The following BLTP3A variants were observed in gnomAD, a reference collection of about 807,000 sequenced individuals.
The protein encoded by BLTP3A is ICBP90 binding protein 1.
the BLTP3A span, among the ~76,000 whole-genome samples, chr6:34,832,623 A>T: frequency 6.6e-6 from 1 of 151,098 alleles, no homozygotes; most frequent in African/African-American, 2.4e-5. Context: ...TTTTTTGTAG[A>T]GAGTTTTTGT....
the BLTP3A span, among the ~76,000 whole-genome samples, chr6:34,839,297 G>A: frequency 1.3e-5 from 2 of 151,926 alleles, no homozygotes; most frequent in East Asian, 1.9e-4. Flanking sequence ...TACCATACCC[G>A]GGTGTGGTAT....
At chr6:34,834,749 A>G in the BLTP3A span, 1 of 1,614,172 alleles carries the variant, frequency 6.2e-7, no homozygotes, top group Non-Finnish European at 8.5e-7. Context: ...ATAACTTGGC[A>G]AACACTCCGA....
chr6:34,826,169 C>T, the BLTP3A span, among the ~76,000 whole-genome samples: 3 of 151,556 alleles, frequency 2.0e-5, no homozygotes, highest in African/African-American at 4.9e-5. Context: ...GCTGGGATTA[C>T]ACACACCAAC....
chr6:34,820,356 T>C, the BLTP3A span, among the ~76,000 whole-genome samples: 19 of 152,158 alleles, frequency 1.2e-4, no homozygotes, highest in African/African-American at 4.1e-4. Flanking sequence ...AGGGCTAGAC[T>C]GCTCCAGCTC....
the BLTP3A span, among the ~76,000 whole-genome samples, chr6:34,795,734 G>A: frequency 6.6e-6 from 1 of 152,128 alleles, no homozygotes; most frequent in Non-Finnish European, 1.5e-5. Context: ...AATTTTAGCA[G>A]TATATGCTTA....
chr6:34,857,567 T>C, the BLTP3A span: 1 of 1,523,016 alleles, frequency 6.6e-7, no homozygotes, highest in Non-Finnish European at 8.9e-7. Flanking sequence ...TTGTTAGGAG[T>C]TTTCAGTGTT....
chr6:34,871,302 T>C, the BLTP3A span, among the ~76,000 whole-genome samples: 2 of 152,164 alleles, frequency 1.3e-5, no homozygotes, highest in Non-Finnish European at 2.9e-5. Context: ...GGTATATAAA[T>C]GTGTGTTGCT....
At chr6:34,854,185 G>A in the BLTP3A span, among the ~76,000 whole-genome samples, 1 of 152,078 alleles carries the variant, frequency 6.6e-6, no homozygotes, top group East Asian at 1.9e-4. Context: ...TAGTGCCACC[G>A]CACTCCAGCC....
the BLTP3A span, among the ~76,000 whole-genome samples, chr6:34,837,454 T>G: frequency 6.6e-6 from 1 of 151,972 alleles, no homozygotes; most frequent in African/African-American, 2.4e-5. Flanking sequence ...GAGGCTGAGG[T>G]GGGAGGATTG....
At chr6:34,858,823 C>T in the BLTP3A span, 3 of 1,614,090 alleles carry the variant, frequency 1.9e-6, no homozygotes, top group Non-Finnish European at 2.5e-6. Flanking sequence ...TGTACATTCC[C>T]CGGCCCATGT....
chr6:34,792,301 G>A, the BLTP3A span: 1 of 1,541,306 alleles, frequency 6.5e-7, no homozygotes, highest in South Asian at 1.2e-5. Flanking sequence ...CCCGGTGAGA[G>A]CGCCAGCGCC....
At chr6:34,808,611 TCTCA>T in the BLTP3A span, among the ~76,000 whole-genome samples, 2 of 151,840 alleles carry the variant, frequency 1.3e-5, no homozygotes, top group East Asian at 3.9e-4. Context: ...TGAGACAGGA[TCTCA>T]CTCTGTTGCC....
the BLTP3A span, chr6:34,874,361 CA>C: frequency 6.6e-6 from 1 of 152,100 alleles, no homozygotes; most frequent in Non-Finnish European, 1.5e-5. Flanking sequence ...ACTTTGTTTC[CA>C]CTAAAAATAC....
At chr6:34,832,097 G>A in the BLTP3A span, among the ~76,000 whole-genome samples, 1 of 150,266 alleles carries the variant, frequency 6.7e-6, no homozygotes, top group Non-Finnish European at 1.5e-5. Flanking sequence ...ACAGGCATGA[G>A]CCACTGCACC....
the BLTP3A span, chr6:34,864,325 C>G: frequency 2.0e-6 from 2 of 1,005,312 alleles, no homozygotes; most frequent in South Asian, 2.2e-5. Flanking sequence ...TTAATCAAGA[C>G]AAAAAAAGAG....
the BLTP3A span, among the ~76,000 whole-genome samples, chr6:34,865,171 A>G: frequency 3.9e-5 from 6 of 152,204 alleles, no homozygotes; most frequent in Non-Finnish European, 7.3e-5. Flanking sequence ...TTACACGTTC[A>G]CTAACATTTC....
chr6:34,863,935 G>T, the BLTP3A span: 14 of 1,442,540 alleles, frequency 9.7e-6, no homozygotes, highest in South Asian at 3.0e-5. Context: ...GATGGGTATT[G>T]TAAGTGGATG....
chr6:34,811,706 A>G, the BLTP3A span, among the ~76,000 whole-genome samples: 1 of 141,000 alleles, frequency 7.1e-6, no homozygotes, highest in Non-Finnish European at 1.6e-5. Context: ...TAAAAATACA[A>G]AAATTTGCCG....
the BLTP3A span, chr6:34,867,209 C>T: frequency 6.3e-7 from 1 of 1,593,500 alleles, no homozygotes; most frequent in Non-Finnish European, 8.5e-7. Context: ...ATTCATTTGT[C>T]CTCTTTTTCA....
Sources: gnomAD v4.1 joint callset for allele counts (sites outside exome capture counted in the v4.1 genomes callset) on GRCh38, gnomAD v4.1.1 for gene constraint, MANE v1.5 for transcripts, NCBI Gene and HGNC (gene_info 2026-07-23, HGNC 2026-07-21) for gene names.